The following ANKRD22 variants were observed in gnomAD, a reference collection of about 807,000 sequenced individuals.
ANKRD22 encodes ankyrin repeat domain-containing protein 22.
A neutral mutation model predicts 25.7 loss-of-function variants in ANKRD22; 24 were observed. The ratio of observed to expected loss-of-function variants is 0.93; its 90% confidence interval spans 0.68 to 1.31. The LOEUF (loss-of-function observed/expected upper bound fraction) is 1.31, where lower values mean the gene tolerates loss of function less well. ANKRD22 is among the 50% of genes most tolerant of loss of function. The pLI is 0.00. For missense variants in ANKRD22, 214 were observed against 227.1 expected (o/e 0.94, Z 0.37); for synonymous variants, 84 against 84.3 (o/e 1.00, Z 0.02).
intron 2 of ANKRD22, among the ~76,000 whole-genome samples, chr10:88,829,639 T>A (rs997609830): frequency 6.7e-6 from 1 of 148,842 alleles, no homozygotes; most frequent in African/African-American, 2.4e-5. Flanking sequence ...TTAGAATATG[T>A]ACATTTTTCC....
At chr10:88,850,492 C>T (rs1844094122) in intron 1 of ANKRD22, among the ~76,000 whole-genome samples, 1 of 152,112 alleles carries the variant, frequency 6.6e-6, no homozygotes, top group African/African-American at 2.4e-5. Flanking sequence ...ATGTCAGAAC[C>T]ACCTGGGATG....
intron 4 of ANKRD22, among the ~76,000 whole-genome samples, chr10:88,824,859 TCTTA>T (rs1325994195): frequency 3.3e-5 from 5 of 152,202 alleles, no homozygotes; most frequent in Admixed American, 3.3e-4. Flanking sequence ...TTTAATAATC[TCTTA>T]CTTAATATAT....
chr10:88,829,927 C>T (rs1188623717), intron 2 of ANKRD22, among the ~76,000 whole-genome samples: 1 of 152,176 alleles, frequency 6.6e-6, no homozygotes, highest in Non-Finnish European at 1.5e-5. Flanking sequence ...CAAACATGTG[C>T]CACCACACCT....
chr10:88,820,336 C>T lies in ANKRD22; in HGVS notation c.*2605G>A, dbSNP rs1407057563. 3 of 1,552,178 alleles carry T rather than the reference C, an allele frequency of 1.9e-6. No individual in the cohort carries two copies. The highest frequency in any genetic ancestry group is 2.6e-6 in the Non-Finnish European group (3 of 1,147,126). ...ATCCAGAAGACGTGAAAATGCTGCT[C>T]TCTGAGGTGACCAACCTCATCTACC... On this transcript the variant is annotated 3_prime_UTR_variant, in exon 6 of 6. Coordinates refer to ENST00000371930, the MANE Select transcript of ANKRD22 (RefSeq NM_144590.3).
At chr10:88,832,533 T>TGTCTTTATCTTTATCTTTACTAAAGAC (rs1564604176) in intron 1 of ANKRD22, among the ~76,000 whole-genome samples, 1 of 151,924 alleles carries the variant, frequency 6.6e-6, no homozygotes. Context: ...TTACTAAAGA[T>TGTCTTTATCTTTATCTTTACTAAAGAC]AAAATGTCTT....
At chr10:88,826,499 A>C (rs1323253407) in intron 3 of ANKRD22, among the ~76,000 whole-genome samples, 2 of 152,164 alleles carry the variant, frequency 1.3e-5, no homozygotes, top group Non-Finnish European at 2.9e-5. Flanking sequence ...AAAGCCCCGT[A>C]TGTTTTGGCT....
chr10:88,841,312 G>A (rs1195972137), intron 1 of ANKRD22, among the ~76,000 whole-genome samples: 1 of 152,032 alleles, frequency 6.6e-6, no homozygotes, highest in Non-Finnish European at 1.5e-5. Flanking sequence ...TATTCACAGA[G>A]AAGAGAGAAG....
intron 1 of ANKRD22, among the ~76,000 whole-genome samples, chr10:88,846,127 C>T (rs1475371288): frequency 6.6e-6 from 1 of 151,820 alleles, no homozygotes; most frequent in Non-Finnish European, 1.5e-5. Context: ...CTTTTTTTTG[C>T]GTATGTATGG....
intron 1 of ANKRD22, among the ~76,000 whole-genome samples, chr10:88,848,166 ATATATGTG>A (rs957782351): frequency 2.3e-5 from 3 of 130,682 alleles, no homozygotes; most frequent in African/African-American, 9.6e-5. Flanking sequence ...ATATATATGT[ATATATGTG>A]TATATATATA....
At chr10:88,831,774 G>A (rs764947184) in intron 2 of ANKRD22, 61 bp downstream of exon 2, 6 of 1,467,154 alleles carry the variant, frequency 4.1e-6, no homozygotes, top group Admixed American at 2.4e-5. Flanking sequence ...CACTTCTAGT[G>A]ATTCAAAGAG....
intron 2 of ANKRD22, among the ~76,000 whole-genome samples, chr10:88,830,716 G>T (rs1219801575): frequency 4.6e-5 from 7 of 152,136 alleles, no homozygotes; most frequent in Non-Finnish European, 2.9e-5. Context: ...CTGCAAAGCG[G>T]AGATAAAAGT....
At position 88,828,597 on chromosome 10, in the gene ANKRD22, G is replaced by A. The variant is rs1437868230; in HGVS notation, c.283C>T (p.Leu95Phe). The A allele has an allele frequency of 6.2e-7, 1 of 1,610,928 alleles. No individual in the cohort carries two copies. The highest frequency in any genetic ancestry group is 8.5e-7 in the Non-Finnish European group (1 of 1,178,116). ...CCAATAAGCAGAACAGGCATTAAGA[G>A]GATAATTAGTAGATAATCAATGAAG... is the stretch of plus-strand genomic sequence containing the variant. ...FTFIDYLLII[L>F]LMPVLLIGYF... Residue 95 changes from leucine to phenylalanine, a missense_variant, in exon 3 of 6, where the codon CTC (leucine) becomes TTC (phenylalanine). Leu to Phe is a conservative substitution (Grantham distance 22). Transcript: ENST00000371930.
chr10:88,846,313 C>T (rs186720365), intron 1 of ANKRD22, among the ~76,000 whole-genome samples: 22 of 152,260 alleles, frequency 1.4e-4, no homozygotes, highest in African/African-American at 4.3e-4. Flanking sequence ...ATGCGAAACA[C>T]CCACACCTAT....
chr10:88,825,925 A>T, intron 4 of ANKRD22, 113 bp downstream of exon 4: 4 of 912,524 alleles, frequency 4.4e-6, no homozygotes, highest in Middle Eastern at 6.6e-4. Context: ...AAATAAAAGA[A>T]AACTAAATGT....
chr10:88,825,216 T>A (rs1399166087), intron 4 of ANKRD22, among the ~76,000 whole-genome samples: 1 of 152,244 alleles, frequency 6.6e-6, no homozygotes, highest in East Asian at 1.9e-4. Flanking sequence ...TATTTTGGAA[T>A]CAAATTTCCA....
chr10:88,823,040 G>A, intron 5 of ANKRD22, 22 bp from the exon 6 acceptor site: 2 of 1,601,268 alleles, frequency 1.2e-6, no homozygotes, highest in Non-Finnish European at 1.7e-6. Flanking sequence ...AAAATATACA[G>A]TTATTTCCAA....
At chr10:88,829,382 C>T (rs997153728) in intron 2 of ANKRD22, among the ~76,000 whole-genome samples, 4 of 152,110 alleles carry the variant, frequency 2.6e-5, no homozygotes, top group African/African-American at 9.7e-5. Context: ...TAAATAAGAA[C>T]ACTTTTTGTT....
At chr10:88,840,606 T>C (rs1843995289) in intron 1 of ANKRD22, among the ~76,000 whole-genome samples, 1 of 152,116 alleles carries the variant, frequency 6.6e-6, no homozygotes, top group Non-Finnish European at 1.5e-5. Context: ...CAAGCTCCCC[T>C]CACTTAAAAT....
At chr10:88,832,816 C>T (rs1299286227) in intron 1 of ANKRD22, among the ~76,000 whole-genome samples, 3 of 152,128 alleles carry the variant, frequency 2.0e-5, no homozygotes, top group Non-Finnish European at 4.4e-5. Flanking sequence ...TCCTCTTTCC[C>T]TCCTCTGCTC....
Sources: allele counts gnomAD v4.1 joint callset (sites outside exome capture counted in the v4.1 genomes callset), GRCh38; gene constraint gnomAD v4.1.1; transcripts MANE v1.5; gene names NCBI Gene and HGNC (gene_info 2026-07-23, HGNC 2026-07-21).